MICU1: variants seen among roughly 807,000 people sequenced by gnomAD.
MICU1 encodes calcium uptake protein 1, mitochondrial.
In MICU1, 45 loss-of-function variants were observed where a neutral mutation model predicts 56.8. The ratio of observed to expected loss-of-function variants is 0.79; its 90% CI spans 0.62 to 1.02. MICU1 has a LOEUF of 1.02. MICU1 is among the 50% of genes least tolerant of loss of function. MICU1 has a pLI of 0.00. For synonymous variants in MICU1, 186 were observed against 195.1 expected (o/e 0.95, Z 0.39); for missense variants, 504 against 587.1 (o/e 0.86, Z 1.46).
At chr10:72,399,855 G>A (rs1863393820) in intron 10 of MICU1, among the ~76,000 whole-genome samples, 1 of 151,186 alleles carries the variant, frequency 6.6e-6, no homozygotes, top group Non-Finnish European at 1.5e-5. Context: ...CTACTTGGGA[G>A]GCTGAGGCAG....
At chr10:72,533,912 C>T in intron 4 of MICU1, 123 bp from the exon 5 acceptor site, 1 of 637,738 alleles carries the variant, frequency 1.6e-6, no homozygotes, top group Middle Eastern at 2.7e-4. Context: ...TATTCAAAGG[C>T]CACAGGAATG....
In MICU1 at chr10:72,533,741, C is replaced by T; in HGVS notation, c.537+5G>A. On this transcript the variant is annotated splice_donor_5th_base_variant and intron_variant, in intron 5 of 11. Transcript: ENST00000361114. The stretch of plus-strand genomic sequence containing the variant: ...ATATGTATAGAAGTGTCATAGTTTG[C>T]TCACCTTTCCATCAAAGCGTTTTAT... 6.3e-7 allele frequency: 1 copy of T among 1,598,144 alleles called. No homozygotes were observed.
chr10:72,403,848 G>T (rs1005810248), intron 10 of MICU1, among the ~76,000 whole-genome samples: 1 of 151,586 alleles, frequency 6.6e-6, no homozygotes, highest in East Asian at 1.9e-4. Flanking sequence ...GTAGAGACGG[G>T]GTTTCACTGT....
At chr10:72,532,961 C>A in intron 5 of MICU1, 1 of 1,256,266 alleles carries the variant, frequency 8.0e-7, no homozygotes. Flanking sequence ...TAACCCTGAC[C>A]TCTCCCCATC....
At chr10:72,625,318 C>A (rs1338752764) in intron 1 of MICU1, among the ~76,000 whole-genome samples, 1 of 152,090 alleles carries the variant, frequency 6.6e-6, no homozygotes, top group Non-Finnish European at 1.5e-5. Flanking sequence ...GGTAAAGAAA[C>A]CATCAACCAT....
intron 1 of MICU1, among the ~76,000 whole-genome samples, chr10:72,575,535 G>A (rs1840718837): frequency 6.6e-6 from 1 of 152,148 alleles, no homozygotes; most frequent in Non-Finnish European, 1.5e-5. Context: ...TTTCAAACAA[G>A]TCCATTGGTG....
intron 8 of MICU1, among the ~76,000 whole-genome samples, chr10:72,426,401 T>C (rs1864350390): frequency 6.6e-6 from 1 of 150,906 alleles, no homozygotes; most frequent in African/African-American, 2.4e-5. Flanking sequence ...ATTCTGGATT[T>C]TTTTTTTTTT....
intron 10 of MICU1, among the ~76,000 whole-genome samples, chr10:72,380,799 T>C (rs958027171): frequency 6.6e-6 from 1 of 152,186 alleles, no homozygotes; most frequent in African/African-American, 2.4e-5. Flanking sequence ...AATTCCTCCA[T>C]GACATGAATC....
At chr10:72,483,884 A>G (rs1866382355) in intron 6 of MICU1, 1 of 152,276 alleles carries the variant, frequency 6.6e-6, no homozygotes, top group African/African-American at 2.4e-5. Flanking sequence ...AAAAAACCAC[A>G]TAGACTGTAA....
chr10:72,372,965 T>G (rs1467731847), intron 11 of MICU1, among the ~76,000 whole-genome samples: 1 of 150,776 alleles, frequency 6.6e-6, no homozygotes, highest in Non-Finnish European at 1.5e-5. Flanking sequence ...TGAAAAAATA[T>G]GAAGTCACTT....
At chr10:72,570,598 C>T (rs1184967605) in intron 1 of MICU1, among the ~76,000 whole-genome samples, 1 of 152,168 alleles carries the variant, frequency 6.6e-6, no homozygotes, top group Non-Finnish European at 1.5e-5. Flanking sequence ...GGACCTATAC[C>T]TATAATCTCT....
At chr10:72,518,977 A>C (rs1168064889) in intron 5 of MICU1, among the ~76,000 whole-genome samples, 1 of 152,246 alleles carries the variant, frequency 6.6e-6, no homozygotes, top group Non-Finnish European at 1.5e-5. Context: ...CACTGCTCCC[A>C]GCCAGAATTG....
intron 8 of MICU1, among the ~76,000 whole-genome samples, chr10:72,430,376 A>G (rs1182223971): frequency 6.6e-6 from 1 of 152,174 alleles, no homozygotes; most frequent in African/African-American, 2.4e-5. Flanking sequence ...CAAAATTCTG[A>G]AATATAAATT....
intron 10 of MICU1, among the ~76,000 whole-genome samples, chr10:72,395,951 C>A (rs988865958): frequency 5.9e-5 from 9 of 152,238 alleles, no homozygotes; most frequent in African/African-American, 1.7e-4. Flanking sequence ...CATCTGAGCT[C>A]TGAGAACAGA....
intron 8 of MICU1, among the ~76,000 whole-genome samples, chr10:72,469,784 C>T (rs1469490865): frequency 2.0e-5 from 3 of 152,134 alleles, no homozygotes; most frequent in Admixed American, 6.5e-5. Context: ...GGAGGCTATA[C>T]GAGTGTAAGT....
intron 1 of MICU1, among the ~76,000 whole-genome samples, chr10:72,603,508 A>G (rs1362404278): frequency 6.6e-6 from 1 of 152,104 alleles, no homozygotes; most frequent in Non-Finnish European, 1.5e-5. Flanking sequence ...TTAGGGAGAC[A>G]TAATACATCA....
intron 8 of MICU1, among the ~76,000 whole-genome samples, chr10:72,435,187 C>T (rs927153562): frequency 6.6e-6 from 1 of 151,604 alleles, no homozygotes; most frequent in South Asian, 2.1e-4. Flanking sequence ...GCCAGGAGTT[C>T]GAGAGCAGCC....
chr10:72,585,091 T>G (rs1441714920), intron 1 of MICU1, among the ~76,000 whole-genome samples: 12 of 150,544 alleles, frequency 8.0e-5, no homozygotes, highest in Middle Eastern at 6.8e-3. Flanking sequence ...GGTTTTTTTT[T>G]TTGTTTTTTT....
chr10:72,576,176 T>C (rs1344734482), intron 1 of MICU1, among the ~76,000 whole-genome samples: 1 of 134,204 alleles, frequency 7.5e-6, no homozygotes, highest in Non-Finnish European at 1.5e-5. Flanking sequence ...ATCGTGCCAC[T>C]GCACTCCAGC....
Sources: gnomAD v4.1 joint callset for allele counts (sites outside exome capture counted in the v4.1 genomes callset) on GRCh38, gnomAD v4.1.1 for gene constraint, MANE v1.5 for transcripts, NCBI Gene and HGNC (gene_info 2026-07-23, HGNC 2026-07-21) for gene names.